Variants in KALRN observed in about 807,000 individuals in gnomAD.
KALRN encodes kalirin.
KALRN carries 70 observed loss-of-function variants against 353.7 expected under a neutral mutation model. That is an observed-to-expected ratio of 0.20 (90% CI 0.16 to 0.24). KALRN has a LOEUF of 0.24. Among genes scored for constraint, KALRN ranks in the 10% least tolerant of loss-of-function variants. KALRN has a pLI of 1.00. For synonymous variants in KALRN, 1,391 were observed against 1,434.8 expected, an observed-to-expected ratio of 0.97 and a Z score of 0.69; for missense variants, 2,791 against 3,756.7, an observed-to-expected ratio of 0.74 and a Z score of 6.72.
At chr3:124,619,367 T>C (rs1373320171) in intron 34 of KALRN, among the ~76,000 whole-genome samples, 1 of 152,156 alleles carries the variant, frequency 6.6e-6, no homozygotes, top group Non-Finnish European at 1.5e-5. Flanking sequence ...GTGCATAATG[T>C]TGCAATGAAT....
At chr3:124,035,682 C>T (rs2039347390) in intron 1 of KALRN, among the ~76,000 whole-genome samples, 1 of 152,184 alleles carries the variant, frequency 6.6e-6, no homozygotes, top group African/African-American at 2.4e-5. Flanking sequence ...AATAATAGTC[C>T]AATGTGTTAC....
At chr3:124,389,747 AAC>A in intron 11 of KALRN, among the ~76,000 whole-genome samples, 1 of 152,364 alleles carries the variant, frequency 6.6e-6, no homozygotes, top group South Asian at 2.1e-4. Context: ...CAATTTCAAT[AAC>A]ACATATAGAA....
intron 10 of KALRN, among the ~76,000 whole-genome samples, chr3:124,368,659 T>G (rs2085360805): frequency 7.0e-6 from 1 of 143,578 alleles, no homozygotes; most frequent in Admixed American, 6.9e-5. Flanking sequence ...CCAGACGGGG[T>G]GGCGGCCGGG....
intron 10 of KALRN, among the ~76,000 whole-genome samples, chr3:124,366,008 G>T (rs1348818553): frequency 6.6e-6 from 1 of 152,158 alleles, no homozygotes; most frequent in Non-Finnish European, 1.5e-5. Flanking sequence ...TGCCTAGGGA[G>T]AATAATTTCT....
At chr3:124,251,683 C>T (rs1156497659) in intron 3 of KALRN, among the ~76,000 whole-genome samples, 1 of 152,088 alleles carries the variant, frequency 6.6e-6, no homozygotes, top group Non-Finnish European at 1.5e-5. Flanking sequence ...TTTGAGAGGA[C>T]TTGATTTGTA....
At chr3:124,467,936 G>C (rs999585473) in intron 25 of KALRN, among the ~76,000 whole-genome samples, 11 of 151,972 alleles carry the variant, frequency 7.2e-5, no homozygotes, top group Non-Finnish European at 1.5e-4. Context: ...ACGGTGGGAG[G>C]GTGGATAGGT....
chr3:124,052,836 T>C (rs2041169280), intron 1 of KALRN, among the ~76,000 whole-genome samples: 1 of 152,062 alleles, frequency 6.6e-6, no homozygotes, highest in South Asian at 2.1e-4. Flanking sequence ...GAGTAGGAGA[T>C]GATTGAATGG....
In KALRN at chr3:124,618,086, C is replaced by CTTTTTTT. The variant is rs71145464; in HGVS notation, c.5183-14300_5183-14294dup. On this transcript the variant is annotated intron_variant, in intron 34 of 59. Coordinates refer to ENST00000682506, the MANE Select transcript of KALRN (RefSeq NM_001388419.1). ...GGAAAGAAAATACCAGTGCAGAAAT[C>CTTTTTTT]TTTTTTTTTTTTTTTTTTTTTTTTT... Among the ~76,000 whole-genome samples the CTTTTTTT allele has an allele frequency of 5.4e-4, 34 of 63,354 alleles. 4 individuals carry two copies. The highest frequency in any genetic ancestry group is 7.8e-4 in the Non-Finnish European group (28 of 36,066). The allele number at this position is 63,354 out of a possible 152,430, so 41.6% of individuals were successfully genotyped here.
chr3:124,660,322 C>T (rs1022582090), intron 43 of KALRN, among the ~76,000 whole-genome samples: 4 of 152,152 alleles, frequency 2.6e-5, no homozygotes, highest in African/African-American at 9.7e-5. Context: ...TCCTTTCTCT[C>T]CTTTCTTGTC....
chr3:124,630,034 T>G (rs2080583969), intron 34 of KALRN, among the ~76,000 whole-genome samples: 1 of 152,196 alleles, frequency 6.6e-6, no homozygotes, highest in South Asian at 2.1e-4. Context: ...TCAATACTGG[T>G]AGAAACAAGC....
Position 124,650,808 on chromosome 3 carries a change from A to G in KALRN, c.5665A>G (p.Ser1889Gly). Residue 1889 changes from serine (S) to glycine (G), a missense_variant and splice_region_variant, in exon 38 of 60, where the codon AGT becomes GGT. Around this residue, in one of 11 missense-constraint regions of KALRN, gnomAD observed 1,065 missense variants for 1,156.4 expected, o/e 0.92. Transcript: ENST00000682506. ...TAAGCCTGTTTTTCTCTCTTTTCAG[A>G]GTCTAGAAGGAAGCTCATACCGGGG... ...AIEKLVKNKL[S>G]LEGSSYRGSL... The G allele has an allele frequency of 6.2e-7, 1 of 1,612,872 alleles. No individual in the cohort carries two copies. Among genetic ancestry groups the G allele is most frequent in the South Asian group, 1.1e-5 (1 of 91,024 alleles).
intron 2 of KALRN, among the ~76,000 whole-genome samples, chr3:124,231,505 A>G (rs1227730204): frequency 6.6e-6 from 1 of 152,082 alleles, no homozygotes; most frequent in African/African-American, 2.4e-5. Flanking sequence ...CTGTGGCACA[A>G]TCTTTCGTAC....
chr3:124,591,370 A>G (rs1487983526), intron 34 of KALRN, among the ~76,000 whole-genome samples: 1 of 152,122 alleles, frequency 6.6e-6, no homozygotes, highest in Non-Finnish European at 1.5e-5. Flanking sequence ...ACTTCTGGAC[A>G]CAAGCAATCC....
At chr3:124,196,220 A>C (rs1470900603) in intron 1 of KALRN, among the ~76,000 whole-genome samples, 1 of 152,162 alleles carries the variant, frequency 6.6e-6, no homozygotes, top group Non-Finnish European at 1.5e-5. Context: ...GACAAGCTGC[A>C]GGTGGGGTCT....
chr3:124,363,238 T>C (rs943110905), intron 10 of KALRN, among the ~76,000 whole-genome samples: 3 of 152,198 alleles, frequency 2.0e-5, no homozygotes, highest in Non-Finnish European at 4.4e-5. Context: ...ACTCTATGCC[T>C]CACACAAAGA....
chr3:124,456,659 G>C lies in KALRN; in HGVS notation c.3785G>C (p.Arg1262Pro), dbSNP rs1221493763. ...LDIIPASLSD[R>P]EVKLRDANHE... The stretch of plus-strand genomic sequence containing the variant: ...ATTATCCCAGCAAGCCTTTCGGATC[G>C]GGAGGTCAAGCTGCGGGACGCCAAC... The change falls in exon 23 of 60, where the codon CGG (arginine) becomes CCG (proline). Residue 1262 changes from arginine (R) to proline (P), a missense_variant. Arg to Pro is a moderately radical substitution (Grantham distance 103). Around this residue, in one of 11 missense-constraint regions of KALRN, gnomAD observed 268 missense variants for 347.0 expected, o/e 0.77. Coordinates refer to ENST00000682506, the MANE Select transcript of KALRN (RefSeq NM_001388419.1). 2 of 1,613,254 alleles carry C rather than the reference G, an allele frequency of 1.2e-6. No individual in the cohort carries two copies. Among genetic ancestry groups the C allele is most frequent in the African/African-American group, 2.7e-5 (2 of 74,886 alleles).
chr3:124,419,716 T>C (rs1286520298), intron 14 of KALRN, among the ~76,000 whole-genome samples: 1 of 152,114 alleles, frequency 6.6e-6, no homozygotes, highest in Non-Finnish European at 1.5e-5. Context: ...AGTGTTCTGA[T>C]TGGAGTATGG....
In KALRN at chr3:124,541,023, T is replaced by C. The variant is rs2068969849; in HGVS notation, c.4936-21820T>C. Reference sequence around the variant, plus strand: ...TAGTTGCTAGTCACAGCCTGTTCTGTGAGGGAGTGGAACTTATTTCCTGTG... The same window carrying C: ...TAGTTGCTAGTCACAGCCTGTTCTGCGAGGGAGTGGAACTTATTTCCTGTG... On this transcript the variant is annotated intron_variant, in intron 33 of 59. Coordinates refer to ENST00000682506, the MANE Select transcript of KALRN (RefSeq NM_001388419.1). 2.0e-5 allele frequency among the ~76,000 whole-genome samples: 3 copies of C among 152,122 alleles called. No homozygotes were observed. The South Asian group carries it at 6.3e-4, about 32-fold the overall frequency.
chr3:124,555,717 A>G lies in KALRN; in HGVS notation c.4936-7126A>G, dbSNP rs552778559. On this transcript the variant is annotated intron_variant, in intron 33 of 59. Transcript: ENST00000682506. ...CATTGTAACTAGGCATCTCAGTTAT[A>G]TATCAGGCAATAATTCATGGAATTT... Among the ~76,000 whole-genome samples, 5 of 152,330 alleles carry G rather than the reference A, an allele frequency of 3.3e-5. No individual in the cohort carries two copies. The South Asian group carries it at 1.0e-3, about 32-fold the overall frequency.
Sources: gnomAD v4.1 joint callset for allele counts (sites outside exome capture counted in the v4.1 genomes callset) on GRCh38, gnomAD v4.1.1 for gene constraint, gnomAD v4.1.1 regional missense constraint, MANE v1.5 for transcripts, NCBI Gene and HGNC (gene_info 2026-07-23, HGNC 2026-07-21) for gene names.